FAM91A1: variants seen among roughly 807,000 people sequenced by gnomAD.
The protein encoded by FAM91A1 is protein FAM91A1.
Under a neutral mutation model 113.5 loss-of-function variants are expected in FAM91A1, and 41 were observed. The observed-to-expected ratio is 0.36, with a 90% CI of 0.28 to 0.47. The LOEUF (loss-of-function observed/expected upper bound fraction) is 0.47. Among genes scored for constraint, FAM91A1 ranks in the 20% least tolerant of loss-of-function variants. FAM91A1 has a pLI of 1.00. For missense variants in FAM91A1, 696 were observed against 1,001.2 expected, an observed-to-expected ratio of 0.70 and a Z score of 4.11; for synonymous variants, 307 against 347.9, an observed-to-expected ratio of 0.88 and a Z score of 1.31.
Position 123,777,246 on chromosome 8 carries a change from A to AT in FAM91A1, c.310-12dup. The AT allele has an allele frequency of 1.9e-6, 3 of 1,543,156 alleles. No homozygotes were observed. Among genetic ancestry groups the AT allele is most frequent in the South Asian group, 1.2e-5 (1 of 85,852 alleles). ...AGGACATTTTAGATTTCAAATTTAAATTTTTTTCTTTTTAAAAGGATATTA... is the reference window on the plus strand; with the variant it reads ...AGGACATTTTAGATTTCAAATTTAAATTTTTTTTCTTTTTAAAAGGATATTA... On this transcript the variant is annotated intron_variant, in intron 3 of 23. Transcript: ENST00000334705.
Position 123,784,595 on chromosome 8 carries a change from C to T in FAM91A1, c.810+19C>T. On this transcript the variant is annotated intron_variant, in intron 9 of 23. Transcript: ENST00000334705. ...TGCAGAGGTAAGTTTGACAACGTCT[C>T]ATGAAAATATAATCTCAAGATTGTA... The T allele has an allele frequency of 6.6e-7, 1 of 1,512,802 alleles. No homozygotes were observed. Among genetic ancestry groups the T allele is most frequent in the Non-Finnish European group, 9.0e-7 (1 of 1,105,124 alleles). 93.7% of individuals were successfully genotyped at this position (1,512,802 alleles called of 1,614,324 possible).
At chr8:123,802,103 A>C (rs886544796) in intron 18 of FAM91A1, among the ~76,000 whole-genome samples, 2 of 152,142 alleles carry the variant, frequency 1.3e-5, no homozygotes, top group Non-Finnish European at 2.9e-5. Flanking sequence ...GGGGGGTAAC[A>C]GGGATTAACA....
chr8:123,778,378 T>G (rs1380224190), intron 5 of FAM91A1, among the ~76,000 whole-genome samples: 1 of 152,216 alleles, frequency 6.6e-6, no homozygotes, highest in Non-Finnish European at 1.5e-5. Context: ...AAAAAGTGTT[T>G]GCATTTTCAA....
At chr8:123,792,004 G>A (rs962961091) in intron 15 of FAM91A1, among the ~76,000 whole-genome samples, 9 of 152,020 alleles carry the variant, frequency 5.9e-5, no homozygotes, top group African/African-American at 7.3e-5. Flanking sequence ...GTGAAAACTC[G>A]TGTTTACTAA....
chr8:123,793,439 T>C (rs1478824558), intron 15 of FAM91A1, among the ~76,000 whole-genome samples: 1 of 152,186 alleles, frequency 6.6e-6, no homozygotes, highest in Non-Finnish European at 1.5e-5. Context: ...GACCAGGCAT[T>C]CTCTCGTATT....
chr8:123,783,777 A>T (rs1815182463), intron 8 of FAM91A1, among the ~76,000 whole-genome samples: 2 of 152,192 alleles, frequency 1.3e-5, no homozygotes, highest in Admixed American at 1.3e-4. Flanking sequence ...AGATTAGAAC[A>T]TTTGGACCAA....
chr8:123,785,861 A>G (rs1815241697), intron 11 of FAM91A1, 120 bp downstream of exon 11: 1 of 629,958 alleles, frequency 1.6e-6, no homozygotes, highest in African/African-American at 1.9e-5. Flanking sequence ...TCTGTCATCC[A>G]GGCTGGAGTG....
At position 123,768,524 on chromosome 8, in the gene FAM91A1, CGGTT is replaced by C. The variant is rs1814758445; in HGVS notation, c.-176_-173del. The stretch of plus-strand genomic sequence containing the variant: ...CTCCAATCGCTGCTGCTCTTGTACT[CGGTT>C]GGCCCGGGCGGCGCTGAACTGTCGG... On this transcript the variant is annotated 5_prime_UTR_variant, in exon 1 of 24. Transcript: ENST00000334705. 3 of 532,788 alleles carry C rather than the reference CGGTT, an allele frequency of 5.6e-6. No homozygotes were observed. Among genetic ancestry groups the C allele is most frequent in the Non-Finnish European group, 9.9e-6 (3 of 303,290 alleles). 33.0% of individuals were successfully genotyped at this position (532,788 alleles called of 1,614,324 possible). A position where few individuals can be genotyped will look rare whatever the true frequency, so the allele number is the denominator to read the frequency against.
Position 123,798,110 on chromosome 8 carries a change from C to T in FAM91A1, c.1432C>T (p.Arg478Cys), listed in dbSNP as rs537324128. The part of the protein sequence containing the change: ...PNYGFPLDLL[R>C]CESLLGLDPA... ...CTCAGGTTTTCCTCTGGATCTCTTACGCTGTGAAAGCCTTCTTGGTTTGGA... is the reference window on the plus strand; with the variant it reads ...CTCAGGTTTTCCTCTGGATCTCTTATGCTGTGAAAGCCTTCTTGGTTTGGA... Residue 478 changes from arginine (R) to cysteine (C), a missense_variant, in exon 16 of 24, where the codon CGC becomes TGC. Coordinates refer to ENST00000334705, the MANE Select transcript of FAM91A1 (RefSeq NM_144963.4). 14 of 1,613,458 alleles carry T rather than the reference C, an allele frequency of 8.7e-6. No individual in the cohort carries two copies. The highest frequency in any genetic ancestry group is 5.0e-5 in the Admixed American group (3 of 59,978).
chr8:123,801,435 G>A (rs1407998150), intron 18 of FAM91A1, among the ~76,000 whole-genome samples: 2 of 152,208 alleles, frequency 1.3e-5, no homozygotes, highest in African/African-American at 2.4e-5. Flanking sequence ...GAAAATGTAC[G>A]TGTCAAATGT....
intron 3 of FAM91A1, 38 bp from the exon 4 acceptor site, chr8:123,777,226 AT>A: frequency 7.6e-7 from 1 of 1,318,036 alleles, no homozygotes. Flanking sequence ...ATTTAAGGAC[AT>A]TTTAGATTTC....
chr8:123,794,930 T>C (rs1219467861), intron 15 of FAM91A1, among the ~76,000 whole-genome samples: 3 of 152,258 alleles, frequency 2.0e-5, no homozygotes, highest in African/African-American at 7.2e-5. Flanking sequence ...AGGAAACTTA[T>C]GAAGCTGTTT....
At chr8:123,786,182 T>TTG (rs1323693294) in intron 11 of FAM91A1, 3 of 292,036 alleles carry the variant, frequency 1.0e-5, no homozygotes, top group African/African-American at 2.2e-5. Flanking sequence ...ATTTTTAATC[T>TTG]TGTGTGTGTG....
Position 123,785,616 on chromosome 8 carries a change from A to G in FAM91A1, c.850-13A>G, listed in dbSNP as rs1232376899. 3 of 1,553,148 alleles carry G rather than the reference A, an allele frequency of 1.9e-6. No homozygotes were observed. The highest frequency in any genetic ancestry group is 2.6e-6 in the Non-Finnish European group (3 of 1,134,650). ...TTTTAAATGGTAATTAGTTTCCTTT[A>G]TATTCCTTTCAGAATGCTGTTTCAA... On this transcript the variant is annotated splice_polypyrimidine_tract_variant and intron_variant, in intron 10 of 23. Transcript: ENST00000334705.
chr8:123,812,785 G>A lies in FAM91A1; in HGVS notation c.*81G>A. 5.3e-6 allele frequency: 6 copies of A among 1,135,104 alleles called. No individual in the cohort carries two copies. Among genetic ancestry groups the A allele is most frequent in the Non-Finnish European group, 7.2e-6 (6 of 833,788 alleles). The allele number at this position is 1,135,104 out of a possible 1,614,324, so 70.3% of individuals were successfully genotyped here. A position where few individuals can be genotyped will look rare whatever the true frequency, so the allele number is the denominator to read the frequency against. On this transcript the variant is annotated 3_prime_UTR_variant, in exon 24 of 24. Transcript: ENST00000334705. Reference sequence around the variant, plus strand: ...GCTTTATAGTGTCAGCCACTAAAAAGCATCCTGCTGCTGCAGTGCAATTCT... The same window carrying A: ...GCTTTATAGTGTCAGCCACTAAAAAACATCCTGCTGCTGCAGTGCAATTCT...
intron 18 of FAM91A1, among the ~76,000 whole-genome samples, chr8:123,803,843 A>G (rs1425353298): frequency 6.6e-6 from 1 of 152,174 alleles, no homozygotes; most frequent in Non-Finnish European, 1.5e-5. Context: ...TTTCCTTTGG[A>G]TATATCAGGG....
Position 123,778,762 on chromosome 8 carries a change from A to C in FAM91A1, c.539A>C (p.Asp180Ala). The change falls in exon 6 of 24, where the codon GAT becomes GCT. Residue 180 changes from aspartate (D) to alanine (A), a missense_variant. Transcript: ENST00000334705. ...WVVQAGYITE[D>A]DIKICTLPEK... ...GTGCAGGCTGGCTATATCACAGAAG[A>C]TGACATCAAGGTAGAAATCTTTAAA... The C allele has an allele frequency of 1.3e-6, 2 of 1,547,132 alleles. No homozygotes were observed. Among genetic ancestry groups the C allele is most frequent in the Non-Finnish European group, 1.7e-6 (2 of 1,146,446 alleles).
rs143679774 is a variant in FAM91A1 at position 123,789,939 on chromosome 8, A to G, written c.1411+194A>G. ...TTCTTAACCTTATTTTACTTTTCTC[A>G]TGTGCCACTAACATTTGTAGTATTT... On this transcript the variant is annotated intron_variant, in intron 15 of 23. Coordinates refer to ENST00000334705, the MANE Select transcript of FAM91A1 (RefSeq NM_144963.4). Among the ~76,000 whole-genome samples the G allele has an allele frequency of 2.2e-3, 333 of 152,182 alleles. 3 individuals carry two copies. The highest frequency in any genetic ancestry group is 3.4e-3 in the Middle Eastern group (1 of 292).
At chr8:123,789,514 T>C in intron 14 of FAM91A1, 99 bp from the exon 15 acceptor site, 1 of 1,544,450 alleles carries the variant, frequency 6.5e-7, no homozygotes, top group Middle Eastern at 2.3e-4. Context: ...TTTGATTTAC[T>C]ACTTTTGAAT....
Sources: allele counts gnomAD v4.1 joint callset (sites outside exome capture counted in the v4.1 genomes callset), GRCh38; gene constraint gnomAD v4.1.1; transcripts MANE v1.5; gene names NCBI Gene and HGNC (gene_info 2026-07-23, HGNC 2026-07-21).